The following NEK10 variants were observed in gnomAD, a reference collection of about 807,000 sequenced individuals.
NEK10 encodes the protein NIMA related kinase 10.
NEK10 carries 122 observed loss-of-function variants against 159.8 expected under a neutral mutation model. The ratio of observed to expected loss-of-function variants is 0.76; its 90% CI spans 0.66 to 0.89. NEK10 has a LOEUF of 0.89. Among genes scored for constraint, NEK10 ranks in the 40% least tolerant of loss-of-function variants. The pLI is 0.00. For synonymous variants in NEK10, 466 were observed against 457.1 expected (o/e 1.02, Z -0.25); for missense variants, 1,342 against 1,323.1 (o/e 1.01, Z -0.22).
At chr3:27,316,552 G>A (rs144347489) in intron 6 of NEK10, among the ~76,000 whole-genome samples, 2 of 152,270 alleles carry the variant, frequency 1.3e-5, no homozygotes, top group Non-Finnish European at 2.9e-5. Context: ...TAAAATCTGG[G>A]AGTTATTCAC....
chr3:27,181,453 C>T (rs575835508), intron 26 of NEK10, among the ~76,000 whole-genome samples: 157 of 152,004 alleles, frequency 1.0e-3, no homozygotes, highest in African/African-American at 3.4e-3. Flanking sequence ...AGGCTGAAGA[C>T]GAGGAAGAGG....
chr3:27,368,612 A>G (rs2049280883), intron 1 of NEK10, among the ~76,000 whole-genome samples: 1 of 152,152 alleles, frequency 6.6e-6, no homozygotes, highest in South Asian at 2.1e-4. Flanking sequence ...GTGATGCCCA[A>G]AATAGGGAAT....
chr3:27,119,522 C>T (rs1263960110), intron 33 of NEK10, among the ~76,000 whole-genome samples: 1 of 152,180 alleles, frequency 6.6e-6, no homozygotes, highest in African/African-American at 2.4e-5. Context: ...CTCACCCACA[C>T]AGATTCTGCT....
intron 9 of NEK10, 110 bp from the exon 10 acceptor site, chr3:27,309,115 T>C (rs935765974): frequency 8.4e-6 from 5 of 597,280 alleles, no homozygotes; most frequent in Non-Finnish European, 1.5e-5. Flanking sequence ...GACAAAATGC[T>C]TCCCTCTTAA....
chr3:27,305,330 C>A (rs1253597068), intron 11 of NEK10, among the ~76,000 whole-genome samples: 1 of 152,104 alleles, frequency 6.6e-6, no homozygotes, highest in Non-Finnish European at 1.5e-5. Flanking sequence ...AAATTATAGG[C>A]TCGTTGCATC....
intron 22 of NEK10, among the ~76,000 whole-genome samples, chr3:27,264,514 T>C (rs1025680295): frequency 6.6e-6 from 1 of 152,198 alleles, no homozygotes; most frequent in Non-Finnish European, 1.5e-5. Flanking sequence ...GTGAGTTCAA[T>C]AGAAGCCTGA....
At chr3:27,326,962 T>C (rs546608589) in intron 5 of NEK10, among the ~76,000 whole-genome samples, 1 of 152,324 alleles carries the variant, frequency 6.6e-6, no homozygotes, top group Non-Finnish European at 1.5e-5. Context: ...TACATACATC[T>C]GTTTGCCACC....
At chr3:27,127,683 G>T (rs1942130526) in intron 32 of NEK10, among the ~76,000 whole-genome samples, 2 of 152,152 alleles carry the variant, frequency 1.3e-5, no homozygotes, top group Non-Finnish European at 2.9e-5. Context: ...TGTGGTGCAT[G>T]ACTCTCTAAC....
intron 25 of NEK10, among the ~76,000 whole-genome samples, chr3:27,193,105 T>C (rs1462359301): frequency 2.0e-5 from 3 of 152,330 alleles, no homozygotes; most frequent in South Asian, 2.1e-4. Context: ...TGCACATGCA[T>C]TGTAAAATTT....
chr3:27,314,570 C>T (rs1374794194), intron 6 of NEK10, among the ~76,000 whole-genome samples: 1 of 152,128 alleles, frequency 6.6e-6, no homozygotes. Context: ...GTGCTCAGAA[C>T]CGCAGCCTGC....
intron 26 of NEK10, among the ~76,000 whole-genome samples, chr3:27,191,650 A>T (rs1949132470): frequency 1.3e-5 from 2 of 152,232 alleles, no homozygotes; most frequent in Admixed American, 6.5e-5. Flanking sequence ...TTAAAGGCAA[A>T]TGTTATTTCC....
At chr3:27,211,685 C>T (rs76529098) in intron 23 of NEK10, among the ~76,000 whole-genome samples, 218 of 152,270 alleles carry the variant, frequency 1.4e-3, no homozygotes, top group Non-Finnish European at 2.1e-3. Flanking sequence ...GGCATGTTTA[C>T]TCGTTCATCT....
In NEK10 at chr3:27,284,662, C is replaced by T. The variant is rs539974730; in HGVS notation, c.1954G>A (p.Val652Ile). Residue 652 changes from valine to isoleucine, a missense_variant, in exon 22 of 36, where the codon GTC becomes ATC. By Grantham distance (29) the Val-to-Ile change is conservative. Coordinates refer to ENST00000691995, the MANE Select transcript of NEK10 (RefSeq NM_001394966.1). The part of the protein sequence containing the change: ...LRYLHKEKRI[V>I]HRDLTPNNIM... ...TTGTTTGGTGTCAGATCTCTATGGACAATCCTCTTCTCCTTGTGTAAGTAT... is the reference window on the plus strand; with the variant it reads ...TTGTTTGGTGTCAGATCTCTATGGATAATCCTCTTCTCCTTGTGTAAGTAT... The T allele has an allele frequency of 6.2e-7, 1 of 1,610,756 alleles. No individual in the cohort carries two copies. The highest frequency in any genetic ancestry group is 8.5e-7 in the Non-Finnish European group (1 of 1,177,016).
intron 1 of NEK10, among the ~76,000 whole-genome samples, chr3:27,356,467 G>A (rs184673963): frequency 5.3e-5 from 8 of 152,272 alleles, no homozygotes; most frequent in Non-Finnish European, 1.2e-4. Context: ...CCCTCATGGT[G>A]TTACTGCGTT....
intron 5 of NEK10, among the ~76,000 whole-genome samples, chr3:27,343,834 C>G (rs936409598): frequency 4.6e-5 from 7 of 152,244 alleles, no homozygotes; most frequent in Non-Finnish European, 1.0e-4. Context: ...TGAAAAGAAA[C>G]ATCTTTATGA....
At chr3:27,301,562 T>C in intron 13 of NEK10, 134 bp downstream of exon 13, 2 of 653,940 alleles carry the variant, frequency 3.1e-6, no homozygotes, top group Non-Finnish European at 5.3e-6. Context: ...GTTTCTGGCA[T>C]CCATGTGGAT....
At chr3:27,229,768 G>A (rs1055660707) in intron 23 of NEK10, among the ~76,000 whole-genome samples, 2 of 151,892 alleles carry the variant, frequency 1.3e-5, no homozygotes, top group Admixed American at 6.6e-5. Context: ...GTAGAAGAAA[G>A]AATTTCAGAG....
At chr3:27,223,130 C>T (rs1461138435) in intron 23 of NEK10, among the ~76,000 whole-genome samples, 1 of 152,206 alleles carries the variant, frequency 6.6e-6, no homozygotes, top group African/African-American at 2.4e-5. Flanking sequence ...AGAAGCTCAA[C>T]ATGTAGAAGA....
Position 27,331,262 on chromosome 3 carries a change from A to AAAAAAAAAAAAAAAAC in NEK10, c.363-9002_363-9001insGTTTTTTTTTTTTTTT. Reference sequence around the variant, plus strand: ...CAAAAAAAAAAAAACAAAAAAAAAAAACACACAAACCTAAGACTTTTGAGG... The same window carrying AAAAAAAAAAAAAAAAC: ...CAAAAAAAAAAAAACAAAAAAAAAAAAAAAAAAAAAAAAAACACACACAAACCTAAGACTTTTGAGG... On this transcript the variant is annotated intron_variant, in intron 5 of 35. Coordinates refer to ENST00000691995, the MANE Select transcript of NEK10 (RefSeq NM_001394966.1). Among the ~76,000 whole-genome samples the AAAAAAAAAAAAAAAAC allele has an allele frequency of 4.0e-3, 436 of 110,012 alleles. 82 individuals carry two copies. The highest frequency in any genetic ancestry group is 5.5e-3 in the Non-Finnish European group (281 of 50,952). The allele number at this position is 110,012 out of a possible 152,430, so 72.2% of individuals were successfully genotyped here. A position where few individuals can be genotyped will look rare whatever the true frequency, so the allele number is the denominator to read the frequency against.
Sources: allele counts gnomAD v4.1 joint callset (sites outside exome capture counted in the v4.1 genomes callset), GRCh38; gene constraint gnomAD v4.1.1; transcripts MANE v1.5; gene names NCBI Gene and HGNC (gene_info 2026-07-23, HGNC 2026-07-21).